Variants in PBX3 observed in about 807,000 individuals in gnomAD.
The protein encoded by PBX3 is PBX homeobox 3, also known as pre-B-cell leukemia transcription factor 3.
A neutral mutation model predicts 48.5 loss-of-function variants in PBX3; 14 were observed. That is an observed-to-expected ratio of 0.29 (90% CI 0.19 to 0.45). The LOEUF (loss-of-function observed/expected upper bound fraction) is 0.45. PBX3 is among the 20% of genes least tolerant of loss of function. The pLI is 1.00. For synonymous variants in PBX3, 210 were observed against 200.3 expected (o/e 1.05, Z -0.41); for missense variants, 386 against 546.7 (o/e 0.71, Z 2.93).
At chr9:125,788,336 A>G (rs1429231428) in intron 2 of PBX3, among the ~76,000 whole-genome samples, 1 of 152,194 alleles carries the variant, frequency 6.6e-6, no homozygotes, top group Non-Finnish European at 1.5e-5. Context: ...CTAAACAGAT[A>G]ATTGATATAG....
chr9:125,942,724 TAA>T (rs1841982160), intron 5 of PBX3, among the ~76,000 whole-genome samples: 1 of 152,174 alleles, frequency 6.6e-6, no homozygotes, highest in South Asian at 2.1e-4. Context: ...TCACATGTCT[TAA>T]AAGAAGGCTA....
chr9:125,827,015 C>A (rs10986960), intron 2 of PBX3, among the ~76,000 whole-genome samples: 1 of 152,112 alleles, frequency 6.6e-6, no homozygotes, highest in South Asian at 2.1e-4. Flanking sequence ...TAACCAATCC[C>A]TCTTTATCCA....
rs1009991585 is a variant in PBX3, at chr9:125,793,364, AAAATATATATAT to A, written c.274+44743_274+44754del. Among the ~76,000 whole-genome samples, 122 of 59,116 alleles carry A rather than the reference AAAATATATATAT, an allele frequency of 2.1e-3. 4 individuals carry two copies. Among genetic ancestry groups the A allele is most frequent in the Admixed American group, 0.019 (101 of 5,286 alleles). 38.8% of individuals were successfully genotyped at this position (59,116 alleles called of 152,430 possible). On this transcript the variant is annotated intron_variant, in intron 2 of 8. Transcript: ENST00000373489. Reference sequence around the variant, plus strand: ...GAGACTCCATTTGGGGGGGAAAAAAAAAATATATATATATATATATATATATATTTACTATTA... The same window carrying A: ...GAGACTCCATTTGGGGGGGAAAAAAAATATATATATATATATTTACTATTA...
intron 2 of PBX3, among the ~76,000 whole-genome samples, chr9:125,818,281 C>T (rs867144683): frequency 2.0e-5 from 3 of 151,236 alleles, no homozygotes; most frequent in South Asian, 4.2e-4. Context: ...AAAAACATTT[C>T]TTACTTAAGT....
At chr9:125,921,502 A>C (rs1233447031) in intron 3 of PBX3, among the ~76,000 whole-genome samples, 1 of 152,168 alleles carries the variant, frequency 6.6e-6, no homozygotes, top group Non-Finnish European at 1.5e-5. Flanking sequence ...ACTGAGTATT[A>C]ATTATGCTGC....
chr9:125,899,199 A>T (rs1429569298), intron 2 of PBX3, among the ~76,000 whole-genome samples: 2 of 140,906 alleles, frequency 1.4e-5, no homozygotes, highest in East Asian at 2.0e-4. Context: ...GATGATATAT[A>T]TATTTATAAA....
At chr9:125,794,390 A>G (rs900059671) in intron 2 of PBX3, among the ~76,000 whole-genome samples, 30 of 152,214 alleles carry the variant, frequency 2.0e-4, no homozygotes, top group African/African-American at 6.5e-4. Flanking sequence ...TGTTAAGGCA[A>G]ATTGCCTCTT....
At chr9:125,964,919 G>T (rs576379800) in intron 8 of PBX3, among the ~76,000 whole-genome samples, 1 of 152,222 alleles carries the variant, frequency 6.6e-6, no homozygotes, top group Non-Finnish European at 1.5e-5. Context: ...GTCCGGGTCT[G>T]GGGGCAGCAT....
chr9:125,894,333 A>G (rs1229688491), intron 2 of PBX3, among the ~76,000 whole-genome samples: 1 of 152,168 alleles, frequency 6.6e-6, no homozygotes, highest in African/African-American at 2.4e-5. Context: ...TAGTTTATAA[A>G]TATATACTTA....
chr9:125,846,167 G>A (rs1329998083), intron 2 of PBX3, among the ~76,000 whole-genome samples: 1 of 151,888 alleles, frequency 6.6e-6, no homozygotes, highest in Non-Finnish European at 1.5e-5. Context: ...TTTCCTATTA[G>A]CTAGAAATTA....
chr9:125,947,139 A>C (rs1204172442), intron 5 of PBX3, among the ~76,000 whole-genome samples: 2 of 152,178 alleles, frequency 1.3e-5, no homozygotes, highest in African/African-American at 4.8e-5. Context: ...AATTGAAATA[A>C]TTTTTCTCAT....
chr9:125,762,834 A>G (rs1204403689), intron 2 of PBX3, among the ~76,000 whole-genome samples: 1 of 152,232 alleles, frequency 6.6e-6, no homozygotes, highest in African/African-American at 2.4e-5. Flanking sequence ...AAAATCAACA[A>G]TATTGTGAAA....
chr9:125,920,493 T>G (rs1841435076), intron 3 of PBX3, among the ~76,000 whole-genome samples: 1 of 152,224 alleles, frequency 6.6e-6, no homozygotes, highest in African/African-American at 2.4e-5. Context: ...GAAATTTGAC[T>G]TCAACATTTG....
At position 125,922,986 on chromosome 9, in the gene PBX3, A is replaced by G. The variant is rs114175865; in HGVS notation, c.517-6669A>G. Among the ~76,000 whole-genome samples the G allele has an allele frequency of 3.1e-3, 467 of 152,376 alleles. 1 individual carries two copies. Among genetic ancestry groups the G allele is most frequent in the African/African-American group, 0.011 (448 of 41,592 alleles). ...GCACACTACATAAATGAGTTGTTCTAATTAATCATGTATGAACTACTGGTT... is the reference window on the plus strand; with the variant it reads ...GCACACTACATAAATGAGTTGTTCTGATTAATCATGTATGAACTACTGGTT... On this transcript the variant is annotated intron_variant, in intron 3 of 8. Transcript: ENST00000373489.
At chr9:125,842,641 G>A (rs1839318925) in intron 2 of PBX3, among the ~76,000 whole-genome samples, 1 of 152,142 alleles carries the variant, frequency 6.6e-6, no homozygotes, top group Admixed American at 6.6e-5. Context: ...GAAGTTTAGG[G>A]TAAAACAAGT....
At chr9:125,880,638 G>T (rs1245789209) in intron 2 of PBX3, among the ~76,000 whole-genome samples, 3 of 152,140 alleles carry the variant, frequency 2.0e-5, no homozygotes, top group African/African-American at 7.2e-5. Flanking sequence ...TGACATTAAA[G>T]ATAGGCATCT....
chr9:125,871,995 T>C (rs80285996), intron 2 of PBX3, among the ~76,000 whole-genome samples: 3,250 of 152,302 alleles, frequency 0.021, 202 homozygotes, highest in East Asian at 0.18. Flanking sequence ...ATATATCTTA[T>C]AATTTAAAAA....
chr9:125,870,261 G>T (rs1009101263), intron 2 of PBX3, among the ~76,000 whole-genome samples: 2 of 151,996 alleles, frequency 1.3e-5, no homozygotes, highest in South Asian at 4.2e-4. Flanking sequence ...TAGAGATGGG[G>T]TTTCACCATG....
chr9:125,788,886 A>C (rs1471488838), intron 2 of PBX3, among the ~76,000 whole-genome samples: 2 of 151,166 alleles, frequency 1.3e-5, no homozygotes, highest in East Asian at 2.0e-4. Flanking sequence ...AAAAAAAAAA[A>C]GGAAAGCTTG....
Sources: allele counts gnomAD v4.1 joint callset (sites outside exome capture counted in the v4.1 genomes callset), GRCh38; gene constraint gnomAD v4.1.1; transcripts MANE v1.5; gene names NCBI Gene and HGNC (gene_info 2026-07-23, HGNC 2026-07-21).